The following C9orf72 variants were observed in gnomAD, a reference collection of about 807,000 sequenced individuals.
The protein encoded by C9orf72 is C9orf72-SMCR8 complex subunit, also known as guanine nucleotide exchange factor C9orf72.
C9orf72 carries 44 observed loss-of-function variants against 51.6 expected under a neutral mutation model. The observed-to-expected ratio is 0.85, with a 90% CI of 0.67 to 1.10. C9orf72 has a LOEUF of 1.10. Ranked by LOEUF, C9orf72 falls within the 50% of genes least tolerant of loss-of-function variation. The probability of loss-of-function intolerance (pLI) is 0.00; values close to 1 mark genes in which losing one functional copy is unlikely to be tolerated. For missense variants in C9orf72, 607 were observed against 570.6 expected (o/e 1.06, Z -0.65); for synonymous variants, 213 against 194.2 (o/e 1.10, Z -0.81).
intron 3 of C9orf72, among the ~76,000 whole-genome samples, chr9:27,564,014 A>T (rs920297474): frequency 6.6e-6 from 1 of 152,132 alleles, no homozygotes; most frequent in Non-Finnish European, 1.5e-5. Context: ...AACTCAATCA[A>T]AAGGCAACTC....
intron 5 of C9orf72, 65 bp downstream of exon 5, chr9:27,561,520 T>C (rs1029530436): frequency 2.5e-6 from 4 of 1,591,312 alleles, no homozygotes; most frequent in South Asian, 1.1e-5. Context: ...CTTCCAAATC[T>C]TGTCATAGGT....
chr9:27,561,956 C>T (rs1819361457), intron 4 of C9orf72, among the ~76,000 whole-genome samples: 1 of 152,174 alleles, frequency 6.6e-6, no homozygotes, highest in Non-Finnish European at 1.5e-5. Flanking sequence ...CTAAAGGTAT[C>T]TCTTAACACT....
At chr9:27,565,222 G>A (rs369965014) in intron 3 of C9orf72, among the ~76,000 whole-genome samples, 1 of 96,140 alleles carries the variant, frequency 1.0e-5, no homozygotes, top group African/African-American at 3.7e-5. Context: ...GTACCTTAAA[G>A]AACATATCAG....
At chr9:27,561,555 T>A in intron 5 of C9orf72, 30 bp downstream of exon 5, 2 of 1,609,530 alleles carry the variant, frequency 1.2e-6, no homozygotes, top group Non-Finnish European at 1.7e-6. Context: ...ATCTGCTTCA[T>A]CCAGCTTTTA....
chr9:27,550,808 G>C (rs998940389), intron 8 of C9orf72, 101 bp from the exon 9 acceptor site: 1 of 547,394 alleles, frequency 1.8e-6, no homozygotes, highest in African/African-American at 1.9e-5. Flanking sequence ...AACATTTTAA[G>C]TTCTTATAAA....
In C9orf72 at chr9:27,546,727, C is replaced by T. The variant is rs1820776434; in HGVS notation, c.*1509G>A. On this transcript the variant is annotated 3_prime_UTR_variant, in exon 11 of 11. Coordinates refer to ENST00000380003, the MANE Select transcript of C9orf72 (RefSeq NM_018325.5). ...ATAAGAATCTACCATGTAAAAAACACAGTATGGGACACTACAAGGTAGTAT... is the reference window on the plus strand; with the variant it reads ...ATAAGAATCTACCATGTAAAAAACATAGTATGGGACACTACAAGGTAGTAT... 6.6e-6 allele frequency: 1 copy of T among 152,078 alleles called. No homozygotes were observed. Among genetic ancestry groups the T allele is most frequent in the African/African-American group, 2.4e-5 (1 of 41,404 alleles). The allele number at this position is 152,078 out of a possible 1,614,324, so 9.4% of individuals were successfully genotyped here. A position where few individuals can be genotyped will look rare whatever the true frequency, so the allele number is the denominator to read the frequency against.
chr9:27,571,875 T>C (rs1036061682), intron 1 of C9orf72, among the ~76,000 whole-genome samples: 1 of 152,218 alleles, frequency 6.6e-6, no homozygotes, highest in African/African-American at 2.4e-5. Context: ...GTGAACTGTT[T>C]ACAGTACCAG....
intron 3 of C9orf72, 132 bp downstream of exon 3, chr9:27,565,399 T>C: frequency 2.1e-6 from 1 of 477,310 alleles, no homozygotes; most frequent in Non-Finnish European, 3.7e-6. Context: ...TCCAGTTTAT[T>C]CTGTACACCT....
chr9:27,557,372 G>A (rs553746561), intron 7 of C9orf72, among the ~76,000 whole-genome samples: 35 of 152,174 alleles, frequency 2.3e-4, no homozygotes, highest in East Asian at 1.9e-4. Flanking sequence ...AACCTACTGC[G>A]TATGAGGCAC....
chr9:27,569,639 A>T (rs1467895697), intron 1 of C9orf72, among the ~76,000 whole-genome samples: 1 of 152,218 alleles, frequency 6.6e-6, no homozygotes, highest in Non-Finnish European at 1.5e-5. Flanking sequence ...TGTTTGCATA[A>T]TGACAAAATC....
chr9:27,572,745 CT>C (rs1819615458), intron 1 of C9orf72, among the ~76,000 whole-genome samples: 1 of 152,182 alleles, frequency 6.6e-6, no homozygotes, highest in Non-Finnish European at 1.5e-5. Flanking sequence ...AATCTGTGCA[CT>C]TCTTTAGACA....
chr9:27,568,946 C>T (rs1373719921), intron 1 of C9orf72, among the ~76,000 whole-genome samples: 2 of 151,702 alleles, frequency 1.3e-5, no homozygotes, highest in Non-Finnish European at 2.9e-5. Flanking sequence ...GTTATTGCCC[C>T]TAAAAACCTT....
chr9:27,567,146 C>T lies in C9orf72; in HGVS notation c.-26G>A, dbSNP rs1563905926. On this transcript the variant is annotated 5_prime_UTR_variant, in exon 2 of 11. Coordinates refer to ENST00000380003, the MANE Select transcript of C9orf72 (RefSeq NM_018325.5). ...CACTGCATTCCAACTGTCACATTAT[C>T]CAAATGCTCCGGAGATATCTAAACA... 6.3e-7 allele frequency: 1 copy of T among 1,587,154 alleles called. No homozygotes were observed. Among genetic ancestry groups the T allele is most frequent in the Admixed American group, 1.7e-5 (1 of 59,664 alleles).
chr9:27,556,621 G>A lies in C9orf72; in HGVS notation c.1031C>T (p.Ser344Leu). 6.2e-7 allele frequency: 1 copy of A among 1,614,002 alleles called. No individual in the cohort carries two copies. Among genetic ancestry groups the A allele is most frequent in the Non-Finnish European group, 8.5e-7 (1 of 1,179,928 alleles). ...CGTATCCTGAGCCATGTCTTCTTCTGAAGTGGCTCTCCAGAAGGCTGTCAG... is the reference window on the plus strand; with the variant it reads ...CGTATCCTGAGCCATGTCTTCTTCTAAAGTGGCTCTCCAGAAGGCTGTCAG... ...SELTAFWRAT[S>L]EEDMAQDTII... The change falls in exon 8 of 11, where the codon TCA becomes TTA. Residue 344 changes from serine to leucine, a missense_variant. By Grantham distance (145) the Ser-to-Leu change is moderately radical. Coordinates refer to ENST00000380003, the MANE Select transcript of C9orf72 (RefSeq NM_018325.5).
intron 8 of C9orf72, 164 bp downstream of exon 8, chr9:27,556,394 AAAG>A (rs1307168212): frequency 1.2e-5 from 7 of 594,566 alleles, no homozygotes; most frequent in East Asian, 2.8e-5. Flanking sequence ...TTGTATGGAA[AAAG>A]AAGAACATTT....
chr9:27,548,218 G>T lies in C9orf72; in HGVS notation c.*18C>A. 1 of 1,581,974 alleles carries T rather than the reference G, an allele frequency of 6.3e-7. No homozygotes were observed. The highest frequency in any genetic ancestry group is 8.6e-7 in the Non-Finnish European group (1 of 1,156,642). On this transcript the variant is annotated 3_prime_UTR_variant, in exon 11 of 11. Coordinates refer to ENST00000380003, the MANE Select transcript of C9orf72 (RefSeq NM_018325.5). ...AGCGATCATGATTGTGATGGAATAG[G>T]CTTATTAAGTTACACATTTAAAAAG...
chr9:27,570,317 ATTAAG>A (rs1354663100), intron 1 of C9orf72, among the ~76,000 whole-genome samples: 1 of 152,242 alleles, frequency 6.6e-6, no homozygotes, highest in Non-Finnish European at 1.5e-5. Flanking sequence ...AACATAATGA[ATTAAG>A]TTAACATACA....
chr9:27,553,000 T>C (rs1820939459), intron 8 of C9orf72, among the ~76,000 whole-genome samples: 1 of 152,160 alleles, frequency 6.6e-6, no homozygotes, highest in Admixed American at 6.5e-5. Context: ...GAGTTCCTCC[T>C]CCTCAATTTT....
intron 1 of C9orf72, among the ~76,000 whole-genome samples, chr9:27,568,943 C>A (rs1819529397): frequency 6.6e-6 from 1 of 151,730 alleles, no homozygotes; most frequent in African/African-American, 2.4e-5. Context: ...TGTGTTATTG[C>A]CCCTAAAAAC....
Sources: gnomAD v4.1 joint callset for allele counts (sites outside exome capture counted in the v4.1 genomes callset) on GRCh38, gnomAD v4.1.1 for gene constraint, MANE v1.5 for transcripts, NCBI Gene and HGNC (gene_info 2026-07-23, HGNC 2026-07-21) for gene names.